The following GPC6 variants were observed in gnomAD, a reference collection of about 807,000 sequenced individuals.
GPC6 encodes glypican 6.
Under a neutral mutation model 55.2 loss-of-function variants are expected in GPC6, and 14 were observed. That is an observed-to-expected ratio of 0.25 (90% CI 0.17 to 0.40). GPC6 has a LOEUF of 0.40. GPC6 is among the 10% of genes least tolerant of loss of function. GPC6 has a pLI of 1.00. For missense variants in GPC6, 641 were observed against 708.5 expected (o/e 0.90, Z 1.08); for synonymous variants, 278 against 259.6 (o/e 1.07, Z -0.68).
intron 1 of GPC6, among the ~76,000 whole-genome samples, chr13:93,400,754 TAAAG>T (rs1217787645): frequency 1.3e-5 from 2 of 152,026 alleles, no homozygotes; most frequent in Non-Finnish European, 2.9e-5. Context: ...AATTAAAAAC[TAAAG>T]AAAGAAATAA....
At chr13:94,121,656 A>G (rs1886634839) in intron 4 of GPC6, among the ~76,000 whole-genome samples, 2 of 152,172 alleles carry the variant, frequency 1.3e-5, no homozygotes, top group Admixed American at 1.3e-4. Context: ...GGAAGCCAAC[A>G]TGATTGTGAA....
intron 4 of GPC6, among the ~76,000 whole-genome samples, chr13:94,223,651 T>C (rs1890454957): frequency 6.6e-6 from 1 of 152,116 alleles, no homozygotes; most frequent in South Asian, 2.1e-4. Flanking sequence ...CACATTATCA[T>C]ATAAATCCTC....
At chr13:93,811,832 T>G (rs980936879) in intron 2 of GPC6, among the ~76,000 whole-genome samples, 1 of 152,108 alleles carries the variant, frequency 6.6e-6, no homozygotes, top group African/African-American at 2.4e-5. Context: ...ATCCCATACA[T>G]GCAAAATGTG....
intron 1 of GPC6, among the ~76,000 whole-genome samples, chr13:93,529,343 G>A (rs1261052717): frequency 6.6e-6 from 1 of 151,884 alleles, no homozygotes; most frequent in East Asian, 1.9e-4. Context: ...AAATCAAGTA[G>A]GCAGAATTAC....
At chr13:94,392,841 G>A (rs866898593) in intron 7 of GPC6, among the ~76,000 whole-genome samples, 12 of 150,156 alleles carry the variant, frequency 8.0e-5, no homozygotes, top group African/African-American at 1.2e-4. Flanking sequence ...TCGAACTCTC[G>A]ACCTCAGGTG....
chr13:93,821,253 T>G (rs2138965795), intron 2 of GPC6, among the ~76,000 whole-genome samples: 1 of 152,306 alleles, frequency 6.6e-6, no homozygotes, highest in Non-Finnish European at 1.5e-5. Context: ...CTCACAGGAC[T>G]TAAAATAGGT....
intron 2 of GPC6, among the ~76,000 whole-genome samples, chr13:93,714,542 T>C (rs72643104): frequency 0.026 from 3,898 of 151,820 alleles, 74 homozygotes; most frequent in Middle Eastern, 0.058. Context: ...TCAAAGAAAT[T>C]AAAAGAGAGC....
intron 2 of GPC6, among the ~76,000 whole-genome samples, chr13:93,822,038 C>T (rs1021838859): frequency 8.9e-6 from 1 of 111,772 alleles, no homozygotes; most frequent in Non-Finnish European, 1.8e-5. Context: ...AATATGTATA[C>T]ACATGATATA....
At chr13:93,984,023 A>G (rs1030726815) in intron 3 of GPC6, among the ~76,000 whole-genome samples, 2 of 152,102 alleles carry the variant, frequency 1.3e-5, no homozygotes, top group African/African-American at 4.8e-5. Context: ...ATTTTGAGGA[A>G]CATTGAATTT....
At chr13:93,454,738 C>G (rs951587481) in intron 1 of GPC6, among the ~76,000 whole-genome samples, 1 of 152,258 alleles carries the variant, frequency 6.6e-6, no homozygotes, top group Admixed American at 6.5e-5. Flanking sequence ...GTGGATCCCG[C>G]ACCCGGGCTG....
chr13:94,361,405 G>A lies in GPC6; in HGVS notation c.1153-21009G>A, dbSNP rs138270263. Among the ~76,000 whole-genome samples, 227 of 152,292 alleles carry A rather than the reference G, an allele frequency of 1.5e-3. 1 individual carries two copies. Among genetic ancestry groups the A allele is most frequent in the African/African-American group, 5.2e-3 (217 of 41,568 alleles). ...ACCCTGCATTTTCATTTTGCACTGG[G>A]CTCTACAAATTACGTAGCTGATCCT... On this transcript the variant is annotated intron_variant, in intron 6 of 8. Transcript: ENST00000377047.
rs565204904 is a variant in GPC6, at chr13:93,539,832, C to T, written c.161-5431C>T. Among the ~76,000 whole-genome samples, 386 of 151,984 alleles carry T rather than the reference C, an allele frequency of 2.5e-3. 1 individual carries two copies. Among genetic ancestry groups the T allele is most frequent in the African/African-American group, 9.0e-3 (373 of 41,478 alleles). ...TCAGCCTCCCAAGTAGCTGGGATTA[C>T]AAGCATGCGCCACCACTCCCGGCTA... On this transcript the variant is annotated intron_variant, in intron 1 of 8. Coordinates refer to ENST00000377047, the MANE Select transcript of GPC6 (RefSeq NM_005708.5).
chr13:93,295,182 T>G (rs1878444850), intron 1 of GPC6, among the ~76,000 whole-genome samples: 1 of 140,618 alleles, frequency 7.1e-6, no homozygotes, highest in Non-Finnish European at 1.5e-5. Context: ...GTCCCAGTAG[T>G]CAGGAGGCTG....
At chr13:94,123,637 C>T (rs1295463030) in intron 4 of GPC6, among the ~76,000 whole-genome samples, 1 of 151,822 alleles carries the variant, frequency 6.6e-6, no homozygotes, top group Non-Finnish European at 1.5e-5. Flanking sequence ...TCCCAAAATG[C>T]CACAAATCTT....
At chr13:94,289,043 A>G (rs976587518) in intron 5 of GPC6, among the ~76,000 whole-genome samples, 2 of 149,872 alleles carry the variant, frequency 1.3e-5, no homozygotes, top group South Asian at 2.1e-4. Flanking sequence ...CTAAAACTCC[A>G]TGAGTGACTG....
chr13:93,436,953 A>AT (rs1171982494), intron 1 of GPC6, among the ~76,000 whole-genome samples: 15 of 148,312 alleles, frequency 1.0e-4, no homozygotes, highest in African/African-American at 2.2e-4. Flanking sequence ...TGTTGGTGCC[A>AT]TTTTTTTTTC....
At chr13:93,610,668 A>G (rs1878423988) in intron 2 of GPC6, among the ~76,000 whole-genome samples, 1 of 152,178 alleles carries the variant, frequency 6.6e-6, no homozygotes, top group South Asian at 2.1e-4. Context: ...TAATATACAT[A>G]TCCATTACAC....
chr13:94,369,304 T>C (rs1879423832), intron 6 of GPC6, among the ~76,000 whole-genome samples: 1 of 152,048 alleles, frequency 6.6e-6, no homozygotes, highest in African/African-American at 2.4e-5. Flanking sequence ...TGAGGGAAAA[T>C]GGCAGGTGGC....
chr13:93,682,407 A>T (rs1049936073), intron 2 of GPC6, among the ~76,000 whole-genome samples: 2 of 152,110 alleles, frequency 1.3e-5, no homozygotes, highest in African/African-American at 2.4e-5. Flanking sequence ...GCGTACACAC[A>T]AACCAGTCTC....
Sources: allele counts gnomAD v4.1 joint callset (sites outside exome capture counted in the v4.1 genomes callset), GRCh38; gene constraint gnomAD v4.1.1; transcripts MANE v1.5; gene names NCBI Gene and HGNC (gene_info 2026-07-23, HGNC 2026-07-21).